SNRPA1: variants seen among roughly 807,000 people sequenced by gnomAD.
SNRPA1 encodes the protein U2 small nuclear ribonucleoprotein A'.
SNRPA1 carries 5 observed loss-of-function variants against 32.3 expected under a neutral mutation model. The observed-to-expected ratio is 0.15, with a 90% CI of 0.08 to 0.33. SNRPA1 has a LOEUF of 0.33. Ranked by LOEUF, SNRPA1 falls within the 10% of genes least tolerant of loss-of-function variation. The pLI, the probability that SNRPA1 is intolerant of heterozygous loss-of-function variation, is 1.00. For missense variants in SNRPA1, 198 were observed against 311.1 expected, an observed-to-expected ratio of 0.64 and a Z score of 2.74; for synonymous variants, 111 against 120.1, an observed-to-expected ratio of 0.92 and a Z score of 0.50.
chr15:101,293,186 GA>G lies in SNRPA1; in HGVS notation c.83-15del. ...GAATTTTATACCCTATAAAATGGAGGAAAAAAACACAAGAGGTATTAATATA... is the reference window on the plus strand; with the variant it reads ...GAATTTTATACCCTATAAAATGGAGGAAAAAACACAAGAGGTATTAATATA... On this transcript the variant is annotated splice_polypyrimidine_tract_variant and intron_variant, in intron 1 of 8. Transcript: ENST00000254193. The G allele has an allele frequency of 2.5e-6, 4 of 1,570,522 alleles. No individual in the cohort carries two copies. Among genetic ancestry groups the G allele is most frequent in the East Asian group, 2.3e-5 (1 of 44,018 alleles).
intron 7 of SNRPA1, 147 bp from the exon 8 acceptor site, chr15:101,285,207 A>G: frequency 1.7e-6 from 1 of 576,816 alleles, no homozygotes; most frequent in East Asian, 2.9e-5. Context: ...GAAGAATGTT[A>G]TTGGCCCACA....
chr15:101,286,980 C>T lies in SNRPA1; in HGVS notation c.387G>A (p.Lys129=), dbSNP rs1173477981. The change falls in exon 5 of 9, where the codon AAG becomes AAA. Residue 129 remains lysine, a synonymous_variant. Transcript: ENST00000254193. ...SILRNPVTNK[K]HYRLYVIYKV... The stretch of plus-strand genomic sequence containing the variant: ...TATAAATCACATACAATCTGTAATG[C>T]TTCTTATTGGTTACCGGATTTCTTA... 4 of 1,605,666 alleles carry T rather than the reference C, an allele frequency of 2.5e-6. No individual in the cohort carries two copies. The highest frequency in any genetic ancestry group is 2.6e-6 in the Non-Finnish European group (3 of 1,173,282).
intron 6 of SNRPA1, 78 bp downstream of exon 6, chr15:101,286,136 G>T: frequency 8.1e-7 from 1 of 1,232,794 alleles, no homozygotes; most frequent in South Asian, 1.3e-5. Context: ...GGTTAATTTT[G>T]TAGGAGACGA....
chr15:101,287,239 G>T (rs1377983719), intron 4 of SNRPA1, among the ~76,000 whole-genome samples: 1 of 152,018 alleles, frequency 6.6e-6, no homozygotes, highest in Non-Finnish European at 1.5e-5. Flanking sequence ...CAACTTGCAG[G>T]TTTGTTACAT....
chr15:101,293,887 G>A (rs2039556192), intron 1 of SNRPA1, among the ~76,000 whole-genome samples: 1 of 152,164 alleles, frequency 6.6e-6, no homozygotes, highest in South Asian at 2.1e-4. Context: ...ATCAAAATAC[G>A]TATTCTCAAC....
chr15:101,289,042 A>G (rs984784705), intron 3 of SNRPA1, among the ~76,000 whole-genome samples: 3 of 152,238 alleles, frequency 2.0e-5, no homozygotes, highest in Admixed American at 2.0e-4. Context: ...GGGAGAGCAG[A>G]GCCAGAAATT....
At chr15:101,291,230 A>G (rs1168972632) in intron 3 of SNRPA1, among the ~76,000 whole-genome samples, 1 of 152,224 alleles carries the variant, frequency 6.6e-6, no homozygotes, top group Non-Finnish European at 1.5e-5. Context: ...TTTAGGTTAC[A>G]AAACAATACA....
chr15:101,293,451 T>TAAGAACATTTAC (rs1596473264), intron 1 of SNRPA1: 2 of 232,950 alleles, frequency 8.6e-6, no homozygotes, highest in East Asian at 1.7e-4. Context: ...CTAACATTTA[T>TAAGAACATTTAC]AAGAACATTT....
intron 5 of SNRPA1, chr15:101,286,590 C>T (rs1443981901): frequency 8.6e-6 from 4 of 467,674 alleles, no homozygotes; most frequent in Admixed American, 3.9e-5. Context: ...ACACACGGAG[C>T]TGCACGAAAG....
Position 101,284,966 on chromosome 15 carries a change from CCTGAT to C in SNRPA1, c.705_709del (p.Ser236AlafsTer3). 1 of 1,610,136 alleles carries C rather than the reference CCTGAT, an allele frequency of 6.2e-7. No homozygotes were observed. Among genetic ancestry groups the C allele is most frequent in the Non-Finnish European group, 8.5e-7 (1 of 1,176,478 alleles). ...ACATACAAAGAACACCATTTGTTCA[CCTGAT>C]CTGCGTTCTCTGCCAGGGATCTGAC... On this transcript the variant is annotated frameshift_variant and splice_region_variant, in exon 8 of 9. Transcript: ENST00000254193. LOFTEE classifies it high-confidence loss of function.
chr15:101,293,160 G>A lies in SNRPA1; in HGVS notation c.95C>T (p.Pro32Leu). ...RELDLRGYKIPVIENLGATLD... is the reference protein window; with the variant it reads ...RELDLRGYKILVIENLGATLD... ...CGTAGCACCTAGATTTTCAATGACGGGAATTTTATACCCTATAAAATGGAG... is the reference window on the plus strand; with the variant it reads ...CGTAGCACCTAGATTTTCAATGACGAGAATTTTATACCCTATAAAATGGAG... Residue 32 changes from proline (P) to leucine (L), a missense_variant, in exon 2 of 9, where the codon CCC becomes CTC. By Grantham distance (98) the Pro-to-Leu change is moderately conservative. Transcript: ENST00000254193. 6.2e-7 allele frequency: 1 copy of A among 1,607,336 alleles called. No individual in the cohort carries two copies. The highest frequency in any genetic ancestry group is 1.3e-5 in the African/African-American group (1 of 74,808).
intron 4 of SNRPA1, 40 bp from the exon 5 acceptor site, chr15:101,287,050 G>A (rs1421949201): frequency 2.8e-6 from 3 of 1,077,424 alleles, no homozygotes; most frequent in Non-Finnish European, 4.3e-6. Context: ...ACTTGTTCAT[G>A]GCACAGCACT....
At position 101,295,141 on chromosome 15, in the gene SNRPA1, G is replaced by A. The variant is rs1040869856; in HGVS notation, c.38C>T (p.Ala13Val). ...GTCGCGCACCGCGTTGGTGTACTGCGCCGCCTGCTCGATCAGCTCCGCCGT... is the reference window on the plus strand; with the variant it reads ...GTCGCGCACCGCGTTGGTGTACTGCACCGCCTGCTCGATCAGCTCCGCCGT... ...KLTAELIEQA[A>V]QYTNAVRDRE... Residue 13 changes from alanine to valine, a missense_variant, in exon 1 of 9, where the codon GCG (alanine) becomes GTG (valine). Physicochemically the swap from Ala to Val is moderately conservative, Grantham distance 64 (BLOSUM62 0). Coordinates refer to ENST00000254193, the MANE Select transcript of SNRPA1 (RefSeq NM_003090.4). 42 of 1,556,778 alleles carry A rather than the reference G, an allele frequency of 2.7e-5. No homozygotes were observed. Among genetic ancestry groups the A allele is most frequent in the Non-Finnish European group, 3.2e-5 (37 of 1,155,948 alleles).
At chr15:101,282,915 G>C (rs1202635262) in intron 8 of SNRPA1, among the ~76,000 whole-genome samples, 1 of 152,160 alleles carries the variant, frequency 6.6e-6, no homozygotes, top group African/African-American at 2.4e-5. Flanking sequence ...TGTTTGAGAA[G>C]ACAGGTAGCT....
At chr15:101,288,244 A>AT (rs34548866) in intron 3 of SNRPA1, 2,645 of 131,492 alleles carry the variant, frequency 0.02, 81 homozygotes, top group African/African-American at 0.06. Flanking sequence ...AGGCAGGGTG[A>AT]TTTTTTTTTT....
Position 101,286,280 on chromosome 15 carries a change from G to C in SNRPA1, c.473C>G (p.Ala158Gly). 1 of 1,614,038 alleles carries C rather than the reference G, an allele frequency of 6.2e-7. No individual in the cohort carries two copies. The highest frequency in any genetic ancestry group is 8.5e-7 in the Non-Finnish European group (1 of 1,179,952). Residue 158 changes from alanine to glycine, a missense_variant, in exon 6 of 9, where the codon GCA (alanine) becomes GGA (glycine). By Grantham distance (60) the Ala-to-Gly change is moderately conservative (BLOSUM62 0). Coordinates refer to ENST00000254193, the MANE Select transcript of SNRPA1 (RefSeq NM_003090.4). ...CCGTTTGCCCTTGAACATTTTCTCT[G>C]CTTCCTGACGCTCCTACAGCGACAC... ...QKVKLKERQE[A>G]EKMFKGKRGA...
At chr15:101,287,276 C>CT (rs1459054339) in intron 4 of SNRPA1, among the ~76,000 whole-genome samples, 1 of 152,114 alleles carries the variant, frequency 6.6e-6, no homozygotes, top group Non-Finnish European at 1.5e-5. Context: ...TGTTGGTGGG[C>CT]TGCACCCATT....
intron 2 of SNRPA1, 126 bp from the exon 3 acceptor site, chr15:101,292,166 G>A (rs964073670): frequency 7.4e-6 from 5 of 674,634 alleles, no homozygotes; most frequent in Middle Eastern, 2.8e-4. Flanking sequence ...TGATAAAGAG[G>A]AAACAAAGCA....
intron 2 of SNRPA1, among the ~76,000 whole-genome samples, chr15:101,292,255 C>T (rs1395887308): frequency 6.6e-6 from 1 of 152,320 alleles, no homozygotes; most frequent in East Asian, 1.9e-4. Context: ...ATTCCACTGT[C>T]ATACCATCTA....
Sources: allele counts gnomAD v4.1 joint callset (sites outside exome capture counted in the v4.1 genomes callset), GRCh38; gene constraint gnomAD v4.1.1; transcripts MANE v1.5; gene names NCBI Gene and HGNC (gene_info 2026-07-23, HGNC 2026-07-21).